ALPK1: variants seen among roughly 807,000 people sequenced by gnomAD.
ALPK1 encodes alpha-protein kinase 1.
A neutral mutation model predicts 120.6 loss-of-function variants in ALPK1; 110 were observed. The ratio of observed to expected loss-of-function variants is 0.91; its 90% CI spans 0.78 to 1.07. The LOEUF (loss-of-function observed/expected upper bound fraction) is 1.07. ALPK1 is among the 50% of genes least tolerant of loss of function. ALPK1 has a pLI of 0.00. For synonymous variants in ALPK1, 582 were observed against 560.3 expected, an observed-to-expected ratio of 1.04 and a Z score of -0.55; for missense variants, 1,498 against 1,483.9, an observed-to-expected ratio of 1.01 and a Z score of -0.16.
intron 4 of ALPK1, among the ~76,000 whole-genome samples, chr4:112,401,899 G>A (rs901368346): frequency 6.6e-6 from 1 of 152,182 alleles, no homozygotes; most frequent in African/African-American, 2.4e-5. Context: ...ATGAAAGAAA[G>A]GCCAATGAAA....
intron 1 of ALPK1, among the ~76,000 whole-genome samples, chr4:112,314,195 C>T (rs1012319917): frequency 6.6e-6 from 1 of 152,108 alleles, no homozygotes; most frequent in Non-Finnish European, 1.5e-5. Context: ...CTGTTAGATT[C>T]GTAGAAGGGA....
intron 2 of ALPK1, among the ~76,000 whole-genome samples, chr4:112,367,298 A>G (rs770126078): frequency 6.6e-6 from 1 of 152,232 alleles, no homozygotes; most frequent in Non-Finnish European, 1.5e-5. Flanking sequence ...ATAAAAAAGA[A>G]CAGTAGACTA....
chr4:112,438,505 G>A lies in ALPK1; in HGVS notation c.3210G>A (p.Lys1070=), dbSNP rs999305683. Residue 1070 remains lysine, a synonymous_variant, in exon 13 of 16, where the codon AAG becomes AAA. Coordinates refer to ENST00000650871, the MANE Select transcript of ALPK1 (RefSeq NM_025144.4). ...ILGRYVGKDY[K]EQKGLWHHFT... The stretch of plus-strand genomic sequence containing the variant: ...ATAGGTATGTTGGGAAAGACTATAA[G>A]GAGCAGAAGGGGCTCTGGCACCACT... 3 of 1,613,650 alleles carry A rather than the reference G, an allele frequency of 1.9e-6. No individual in the cohort carries two copies. The highest frequency in any genetic ancestry group is 2.7e-5 in the African/African-American group (2 of 75,010).
Position 112,328,069 on chromosome 4 carries a change from A to AG in ALPK1, c.-101+12222dup, listed in dbSNP as rs1388671173. On this transcript the variant is annotated intron_variant, in intron 2 of 15. Coordinates refer to ENST00000650871, the MANE Select transcript of ALPK1 (RefSeq NM_025144.4). ...TGACCTGTAGATGGCGAACTTGGATAGGGGGAATATTAAGCAATGACTAAA... is the reference window on the plus strand; with the variant it reads ...TGACCTGTAGATGGCGAACTTGGATAGGGGGGAATATTAAGCAATGACTAAA... 4.3e-4 allele frequency among the ~76,000 whole-genome samples: 65 copies of AG among 152,352 alleles called. 1 individual carries two copies. The highest frequency in any genetic ancestry group is 5.2e-4 in the Admixed American group (8 of 15,306).
chr4:112,351,051 C>T (rs1430900812), intron 2 of ALPK1, among the ~76,000 whole-genome samples: 4 of 152,226 alleles, frequency 2.6e-5, no homozygotes, highest in African/African-American at 9.7e-5. Context: ...TGAGATGTCG[C>T]TCTTCCAGCT....
At chr4:112,366,057 C>G (rs1731138247) in intron 2 of ALPK1, among the ~76,000 whole-genome samples, 1 of 152,000 alleles carries the variant, frequency 6.6e-6, no homozygotes, top group Non-Finnish European at 1.5e-5. Flanking sequence ...AAAATCAACT[C>G]AAGATGGATT....
At chr4:112,399,301 T>C (rs1327081979) in intron 4 of ALPK1, among the ~76,000 whole-genome samples, 3 of 152,106 alleles carry the variant, frequency 2.0e-5, no homozygotes, top group Non-Finnish European at 4.4e-5. Context: ...CCACCAGAAA[T>C]TTTTTTCTTT....
intron 4 of ALPK1, among the ~76,000 whole-genome samples, chr4:112,391,801 A>G (rs1578528927): frequency 6.6e-6 from 1 of 152,232 alleles, no homozygotes; most frequent in East Asian, 1.9e-4. Flanking sequence ...GGAATGATAC[A>G]TCTATATTCT....
At chr4:112,438,417 T>G in intron 12 of ALPK1, 67 bp from the exon 13 acceptor site, 1 of 1,473,558 alleles carries the variant, frequency 6.8e-7, no homozygotes, top group African/African-American at 1.4e-5. Context: ...TTTGATCTCC[T>G]CTCTCTTACT....
chr4:112,304,047 G>C (rs1207260340), intron 1 of ALPK1, among the ~76,000 whole-genome samples: 2 of 152,108 alleles, frequency 1.3e-5, no homozygotes, highest in Non-Finnish European at 1.5e-5. Context: ...ATGGTTTCCA[G>C]CTTCATCCAG....
At chr4:112,360,094 C>T (rs1730845438) in intron 2 of ALPK1, among the ~76,000 whole-genome samples, 1 of 152,158 alleles carries the variant, frequency 6.6e-6, no homozygotes, top group Non-Finnish European at 1.5e-5. Flanking sequence ...ATCCCTGCAT[C>T]TTCTAGTAAC....
chr4:112,439,588 C>A, intron 13 of ALPK1, 98 bp from the exon 14 acceptor site: 1 of 975,608 alleles, frequency 1.0e-6, no homozygotes, highest in Non-Finnish European at 1.5e-6. Context: ...CTCAGAGAAG[C>A]AAAGTGGCAG....
chr4:112,308,862 T>C (rs982157398), intron 1 of ALPK1, among the ~76,000 whole-genome samples: 23 of 152,096 alleles, frequency 1.5e-4, no homozygotes, highest in African/African-American at 5.6e-4. Flanking sequence ...CTCTGTTTTT[T>C]CCCCATCTTT....
chr4:112,406,356 T>C (rs1424166484), intron 4 of ALPK1, among the ~76,000 whole-genome samples: 3 of 152,214 alleles, frequency 2.0e-5, no homozygotes, highest in Non-Finnish European at 4.4e-5. Context: ...GAATATATCA[T>C]GCTAAATGAA....
intron 4 of ALPK1, among the ~76,000 whole-genome samples, chr4:112,394,393 C>T (rs143371992): frequency 6.6e-6 from 1 of 152,284 alleles, no homozygotes; most frequent in South Asian, 2.1e-4. Context: ...TTTTGCTGAA[C>T]ATTATAGGTC....
At chr4:112,314,376 G>A (rs1160171952) in intron 1 of ALPK1, among the ~76,000 whole-genome samples, 2 of 152,164 alleles carry the variant, frequency 1.3e-5, no homozygotes, top group Non-Finnish European at 2.9e-5. Context: ...GTTGGATTTT[G>A]GAGACTAAAA....
intron 4 of ALPK1, chr4:112,384,120 G>A (rs1308015312): frequency 2.0e-5 from 3 of 152,126 alleles, no homozygotes; most frequent in African/African-American, 2.4e-5. Context: ...TCCCTCTTTT[G>A]AACAAGGAAA....
At chr4:112,354,333 TA>T (rs1259199486) in intron 2 of ALPK1, among the ~76,000 whole-genome samples, 1 of 152,250 alleles carries the variant, frequency 6.6e-6, no homozygotes, top group Non-Finnish European at 1.5e-5. Flanking sequence ...CTTTCACATT[TA>T]AGTTTTTAAC....
At chr4:112,341,857 T>C (rs1350002626) in intron 2 of ALPK1, among the ~76,000 whole-genome samples, 1 of 152,232 alleles carries the variant, frequency 6.6e-6, no homozygotes, top group Non-Finnish European at 1.5e-5. Context: ...TATTACAGCA[T>C]AATAAGTCAT....
Sources: allele counts gnomAD v4.1 joint callset (sites outside exome capture counted in the v4.1 genomes callset), GRCh38; gene constraint gnomAD v4.1.1; transcripts MANE v1.5; gene names NCBI Gene and HGNC (gene_info 2026-07-23, HGNC 2026-07-21).